The following ANKRD18A variants were observed in gnomAD, a reference collection of about 807,000 sequenced individuals.
The protein encoded by ANKRD18A is ankyrin repeat domain 18A.
In ANKRD18A, 72 loss-of-function variants were observed where a neutral mutation model predicts 110.6. The observed-to-expected ratio is 0.65, with a 90% CI of 0.54 to 0.79. The LOEUF (loss-of-function observed/expected upper bound fraction) is 0.79, where lower values mean the gene tolerates loss of function less well. Among genes scored for constraint, ANKRD18A ranks in the 30% least tolerant of loss-of-function variants. The pLI, the probability that ANKRD18A is intolerant of heterozygous loss-of-function variation, is 0.00. For synonymous variants in ANKRD18A, 305 were observed against 410.3 expected, an observed-to-expected ratio of 0.74 and a Z score of 3.10; for missense variants, 934 against 1,163.3, an observed-to-expected ratio of 0.80 and a Z score of 2.87.
intron 1 of ANKRD18A, 41 bp downstream of exon 1, chr9:38,620,039 C>A: frequency 6.5e-7 from 1 of 1,545,526 alleles, no homozygotes; most frequent in Non-Finnish European, 8.7e-7. Context: ...GGAAGCCGGG[C>A]CTGCGGCCCC....
intron 1 of ANKRD18A, among the ~76,000 whole-genome samples, chr9:38,618,115 T>C (rs1314671572): frequency 6.6e-6 from 1 of 152,126 alleles, no homozygotes; most frequent in Admixed American, 6.6e-5. Flanking sequence ...CTCACAATAA[T>C]AATGATAAAA....
intron 7 of ANKRD18A, among the ~76,000 whole-genome samples, chr9:38,602,704 T>C (rs1201942026): frequency 4.6e-5 from 7 of 152,244 alleles, no homozygotes; most frequent in African/African-American, 1.7e-4. Flanking sequence ...GGGGTCTCAC[T>C]CTGCCACCCA....
intron 5 of ANKRD18A, among the ~76,000 whole-genome samples, chr9:38,609,543 T>G (rs1233279325): frequency 1.3e-5 from 2 of 151,964 alleles, no homozygotes; most frequent in Non-Finnish European, 2.9e-5. Context: ...TGAGTCACCA[T>G]GAAGAGTGAG....
chr9:38,575,539 C>T lies in ANKRD18A; in HGVS notation c.2901G>A (p.Thr967=), dbSNP rs889888942. The T allele has an allele frequency of 1.4e-5, 22 of 1,551,332 alleles. No homozygotes were observed. Among genetic ancestry groups the T allele is most frequent in the Middle Eastern group, 1.7e-4 (1 of 6,006 alleles). The change falls in exon 15 of 16, where the codon ACG becomes ACA. Residue 967 remains threonine, a synonymous_variant. Coordinates refer to ENST00000399703, the MANE Select transcript of ANKRD18A (RefSeq NM_147195.4). The stretch of plus-strand genomic sequence containing the variant: ...GGTTTGAAGTAGGAATTCTTATGGC[C>T]GTTTTGGGAATATATTTTCTGTTGA... ...IELNRKYIPK[T]AIRIPTSNPQ... is the part of the protein sequence containing the mutation.
chr9:38,575,568 C>G lies in ANKRD18A; in HGVS notation c.2872G>C (p.Glu958Gln), dbSNP rs1254606226. 6.4e-7 allele frequency: 1 copy of G among 1,551,318 alleles called. No homozygotes were observed. The highest frequency in any genetic ancestry group is 1.2e-5 in the South Asian group (1 of 84,046). The change falls in exon 15 of 16, where the codon GAA (glutamate) becomes CAA (glutamine). Residue 958 changes from glutamate (E) to glutamine (Q), a missense_variant. Glu to Gln is a conservative substitution (Grantham distance 29). Coordinates refer to ENST00000399703, the MANE Select transcript of ANKRD18A (RefSeq NM_147195.4). The stretch of plus-strand genomic sequence containing the variant: ...TTGGGAATATATTTTCTGTTGAGTT[C>G]TATACTATTAAGATTTTCAACACAA... ...LPCVENLNSI[E>Q]LNRKYIPKTA...
chr9:38,607,594 C>T (rs541487539), intron 5 of ANKRD18A, 101 bp from the exon 6 acceptor site: 25 of 809,252 alleles, frequency 3.1e-5, no homozygotes, highest in Non-Finnish European at 4.4e-5. Context: ...AATATCAGAG[C>T]TAATATCAGA....
intron 8 of ANKRD18A, among the ~76,000 whole-genome samples, chr9:38,598,373 C>T (rs12555626): frequency 0.023 from 3,444 of 152,240 alleles, 59 homozygotes; most frequent in Non-Finnish European, 0.036. Flanking sequence ...TTTTCCAGAA[C>T]CGTCATTTAG....
At chr9:38,590,836 A>T (rs1824613363) in intron 10 of ANKRD18A, among the ~76,000 whole-genome samples, 1 of 152,112 alleles carries the variant, frequency 6.6e-6, no homozygotes, top group Non-Finnish European at 1.5e-5. Context: ...CCTTCTGGAG[A>T]AGTTAGAGGC....
In ANKRD18A at chr9:38,586,065, G is replaced by A. The variant is rs143172808; in HGVS notation, c.2247+118C>T. 5 of 1,116,562 alleles carry A rather than the reference G, an allele frequency of 4.5e-6. No homozygotes were observed. In the Admixed American group the frequency reaches 1.4e-4, roughly 32 times the overall value. 69.2% of individuals were successfully genotyped at this position (1,116,562 alleles called of 1,614,324 possible). ...AATGCCTACGGGGCTTAATACCTAG[G>A]TGATGCATTGATACGTGCAGCAAAC... On this transcript the variant is annotated intron_variant, in intron 12 of 15. Coordinates refer to ENST00000399703, the MANE Select transcript of ANKRD18A (RefSeq NM_147195.4).
chr9:38,580,777 G>A (rs1053143551), intron 12 of ANKRD18A, among the ~76,000 whole-genome samples: 5 of 148,898 alleles, frequency 3.4e-5, no homozygotes, highest in Non-Finnish European at 7.4e-5. Flanking sequence ...ATAGAATATG[G>A]GCCATCCTTA....
chr9:38,616,496 A>G (rs1825859557), intron 1 of ANKRD18A, among the ~76,000 whole-genome samples: 1 of 152,258 alleles, frequency 6.6e-6, no homozygotes, highest in Admixed American at 6.5e-5. Flanking sequence ...TCTGTTGCCC[A>G]GGCTGGAGTG....
intron 6 of ANKRD18A, among the ~76,000 whole-genome samples, chr9:38,606,134 A>G (rs1475398469): frequency 6.6e-6 from 1 of 152,186 alleles, no homozygotes; most frequent in African/African-American, 2.4e-5. Context: ...GCTATCTTCA[A>G]AAATAATCTC....
Position 38,608,561 on chromosome 9 carries a change from A to G in ANKRD18A, c.741-1068T>C, listed in dbSNP as rs569779771. ...ATATAATATATAGATTATATAATCT[A>G]TAACTATATAATAATAGATTATATA... On this transcript the variant is annotated intron_variant, in intron 5 of 15. Transcript: ENST00000399703. 1.2e-4 allele frequency among the ~76,000 whole-genome samples: 17 copies of G among 147,328 alleles called. No individual in the cohort carries two copies. In the East Asian group the frequency reaches 2.0e-3, roughly 17 times the overall value.
At chr9:38,587,386 T>A (rs952263733) in intron 11 of ANKRD18A, among the ~76,000 whole-genome samples, 5 of 152,108 alleles carry the variant, frequency 3.3e-5, no homozygotes, top group East Asian at 3.8e-4. Flanking sequence ...TCCATTTTTT[T>A]AAAAAAAGTC....
rs1201598221 is a variant in ANKRD18A at position 38,577,811 on chromosome 9, CA to C, written c.2529+55del. On this transcript the variant is annotated intron_variant, in intron 13 of 15. Coordinates refer to ENST00000399703, the MANE Select transcript of ANKRD18A (RefSeq NM_147195.4). ...ATATACATATCCAAAATATAGTTTG[CA>C]GTGAAATAAATGAAAGCCCATTACA... 8.6e-6 allele frequency: 13 copies of C among 1,507,436 alleles called. No homozygotes were observed. In the Admixed American group the frequency reaches 3.2e-4, roughly 37 times the overall value. The allele number at this position is 1,507,436 out of a possible 1,614,324, so 93.4% of individuals were successfully genotyped here.
intron 12 of ANKRD18A, among the ~76,000 whole-genome samples, chr9:38,580,019 G>A (rs1824084830): frequency 6.6e-6 from 1 of 152,186 alleles, no homozygotes; most frequent in African/African-American, 2.4e-5. Context: ...CCTCTTACTT[G>A]TAGCCACGTG....
At position 38,597,469 on chromosome 9, in the gene ANKRD18A, C is replaced by T. The variant is rs140812550; in HGVS notation, c.937-1066G>A. ...CACAGAAGTTTGTAGCTGGAAGATACACAGTATAGCTGTCCACTCTAGCCC... is the reference window on the plus strand; with the variant it reads ...CACAGAAGTTTGTAGCTGGAAGATATACAGTATAGCTGTCCACTCTAGCCC... On this transcript the variant is annotated intron_variant, in intron 8 of 15. Coordinates refer to ENST00000399703, the MANE Select transcript of ANKRD18A (RefSeq NM_147195.4). 3.0e-3 allele frequency among the ~76,000 whole-genome samples: 461 copies of T among 152,160 alleles called. 2 individuals carry two copies. The highest frequency in any genetic ancestry group is 0.01 in the African/African-American group (427 of 41,532).
intron 10 of ANKRD18A, among the ~76,000 whole-genome samples, chr9:38,590,535 A>T (rs1195831094): frequency 6.6e-6 from 1 of 152,238 alleles, no homozygotes; most frequent in Non-Finnish European, 1.5e-5. Flanking sequence ...TACAGATGTG[A>T]GCCACGGCAC....
At chr9:38,612,523 T>TTTTC (rs1220278234) in intron 3 of ANKRD18A, among the ~76,000 whole-genome samples, 7 of 126,410 alleles carry the variant, frequency 5.5e-5, no homozygotes, top group Admixed American at 7.7e-5. Context: ...TTCTTTTTCT[T>TTTTC]TTTTTTTTTT....
Sources: allele counts gnomAD v4.1 joint callset (sites outside exome capture counted in the v4.1 genomes callset), GRCh38; gene constraint gnomAD v4.1.1; transcripts MANE v1.5; gene names NCBI Gene and HGNC (gene_info 2026-07-23, HGNC 2026-07-21).